SLC9A8: variants seen among roughly 807,000 people sequenced by gnomAD.
The protein encoded by SLC9A8 is solute carrier family 9 member A8.
Under a neutral mutation model 66.6 loss-of-function variants are expected in SLC9A8, and 48 were observed. The ratio of observed to expected loss-of-function variants is 0.72; its 90% CI spans 0.57 to 0.92. The LOEUF is 0.92. SLC9A8 is among the 40% of genes least tolerant of loss of function. The probability of loss-of-function intolerance (pLI) is 0.00; values close to 1 mark genes in which losing one functional copy is unlikely to be tolerated. For synonymous variants in SLC9A8, 274 were observed against 282.6 expected (o/e 0.97, Z 0.31); for missense variants, 599 against 747.3 (o/e 0.80, Z 2.31).
chr20:49,879,108 G>A (rs1433459069), intron 12 of SLC9A8, among the ~76,000 whole-genome samples: 3 of 152,208 alleles, frequency 2.0e-5, no homozygotes, highest in Non-Finnish European at 2.9e-5. Context: ...TGTAGGCATG[G>A]AAGATTGGAT....
At chr20:49,859,748 T>C (rs1279174092) in intron 8 of SLC9A8, among the ~76,000 whole-genome samples, 11 of 152,244 alleles carry the variant, frequency 7.2e-5, no homozygotes. Context: ...TTTGTTGCTA[T>C]GATAGTGTGT....
At chr20:49,880,846 G>A in intron 12 of SLC9A8, 78 bp from the exon 13 acceptor site, 2 of 922,650 alleles carry the variant, frequency 2.2e-6, no homozygotes, top group Admixed American at 1.7e-5. Context: ...TACACAGTCT[G>A]CATTAGCTTC....
chr20:49,867,527 C>T (rs973859885), intron 10 of SLC9A8, among the ~76,000 whole-genome samples: 2 of 152,164 alleles, frequency 1.3e-5, no homozygotes, highest in African/African-American at 4.8e-5. Flanking sequence ...TTTCATCCGA[C>T]ATATTTACTG....
Position 49,849,361 on chromosome 20 carries a change from T to C in SLC9A8, c.433-218T>C, listed in dbSNP as rs41303807. On this transcript the variant is annotated intron_variant, in intron 5 of 15. Transcript: ENST00000361573. ...GGTTGAGGAGACTTGTGCGAAGCTA[T>C]GCAGTGTTTCAGATGAAAGATGGTG... Among the ~76,000 whole-genome samples the C allele has an allele frequency of 7.0e-3, 1,071 of 152,020 alleles. 10 individuals carry two copies. The highest frequency in any genetic ancestry group is 0.012 in the Non-Finnish European group (830 of 67,948).
At chr20:49,863,436 C>A (rs951448144) in intron 9 of SLC9A8, among the ~76,000 whole-genome samples, 5 of 152,098 alleles carry the variant, frequency 3.3e-5, no homozygotes, top group African/African-American at 1.2e-4. Flanking sequence ...TCAAATAGAC[C>A]AGGTGCAGTG....
intron 4 of SLC9A8, among the ~76,000 whole-genome samples, chr20:49,840,898 CCT>C (rs2087728920): frequency 6.6e-6 from 1 of 151,816 alleles, no homozygotes; most frequent in Admixed American, 6.6e-5. Context: ...GGGTGGATCA[CCT>C]GAGCTCAGGA....
In SLC9A8 at chr20:49,887,725, C is replaced by T; in HGVS notation, c.1639-104C>T. 17 of 818,988 alleles carry T rather than the reference C, an allele frequency of 2.1e-5. No individual in the cohort carries two copies. In the South Asian group the frequency reaches 2.9e-4, roughly 14 times the overall value. The allele number at this position is 818,988 out of a possible 1,614,324, so 50.7% of individuals were successfully genotyped here. ...TGCCTGTGGCCATCACCCTGCCTCC[C>T]ACCTCCTCCCTAGACACCCCACACA... is the stretch of plus-strand genomic sequence containing the variant. On this transcript the variant is annotated intron_variant, in intron 15 of 15. Coordinates refer to ENST00000361573, the MANE Select transcript of SLC9A8 (RefSeq NM_015266.3).
At chr20:49,834,711 A>G (rs1193504012) in intron 3 of SLC9A8, among the ~76,000 whole-genome samples, 3 of 152,006 alleles carry the variant, frequency 2.0e-5, no homozygotes, top group Non-Finnish European at 2.9e-5. Flanking sequence ...CTAGTACATC[A>G]TAAATAATAA....
At chr20:49,870,905 G>T (rs1429275980) in intron 10 of SLC9A8, among the ~76,000 whole-genome samples, 1 of 152,110 alleles carries the variant, frequency 6.6e-6, no homozygotes, top group African/African-American at 2.4e-5. Flanking sequence ...TCACTCTGTT[G>T]TTCAGGCTGG....
At chr20:49,825,170 C>T (rs1195408435) in intron 3 of SLC9A8, among the ~76,000 whole-genome samples, 1 of 152,012 alleles carries the variant, frequency 6.6e-6, no homozygotes, top group Non-Finnish European at 1.5e-5. Context: ...CTTAGTGCTA[C>T]CTTTTATATG....
intron 3 of SLC9A8, among the ~76,000 whole-genome samples, chr20:49,825,530 T>C (rs932116600): frequency 2.6e-5 from 4 of 152,116 alleles, no homozygotes; most frequent in Admixed American, 1.3e-4. Flanking sequence ...TAATCCCAGC[T>C]ACTCTGGAGG....
chr20:49,817,706 A>G, intron 2 of SLC9A8, among the ~76,000 whole-genome samples: 1 of 152,146 alleles, frequency 6.6e-6, no homozygotes, highest in East Asian at 1.9e-4. Flanking sequence ...ATAGTTTTAG[A>G]AACTTATAAA....
chr20:49,817,689 G>C (rs1846911478), intron 2 of SLC9A8, among the ~76,000 whole-genome samples: 1 of 152,060 alleles, frequency 6.6e-6, no homozygotes, highest in African/African-American at 2.4e-5. Flanking sequence ...ACTCATCCTT[G>C]TCTGTCATAG....
intron 14 of SLC9A8, 21 bp downstream of exon 14, chr20:49,884,087 G>C: frequency 6.2e-7 from 1 of 1,608,194 alleles, no homozygotes; most frequent in South Asian, 1.1e-5. Flanking sequence ...TGCGCCTGTG[G>C]GGGTGGGGCA....
rs113822746 is a variant in SLC9A8, at chr20:49,872,512, G to C, written c.959-2193G>C. On this transcript the variant is annotated intron_variant, in intron 10 of 15. Coordinates refer to ENST00000361573, the MANE Select transcript of SLC9A8 (RefSeq NM_015266.3). ...TTTGTTTGTTTGTTTTTGAGACAGA[G>C]TCTTGCTCTGTCACCCAGGCTGGAG... is the stretch of plus-strand genomic sequence containing the variant. Among the ~76,000 whole-genome samples the C allele has an allele frequency of 7.1e-3, 1,063 of 149,896 alleles. 20 individuals are homozygous for C. The highest frequency in any genetic ancestry group is 0.024 in the African/African-American group (985 of 40,682).
Position 49,887,943 on chromosome 20 carries a change from G to C in SLC9A8, c.*7G>C, listed in dbSNP as rs1160036464. ...CGAGCAGGAGCTGCTCTGACGCCAG[G>C]TGCCAAGGCTTCAGGCAGGCAGGCC... On this transcript the variant is annotated 3_prime_UTR_variant, in exon 16 of 16. Transcript: ENST00000361573. 6.2e-7 allele frequency: 1 copy of C among 1,610,612 alleles called. No individual in the cohort carries two copies. The highest frequency in any genetic ancestry group is 8.5e-7 in the Non-Finnish European group (1 of 1,177,358).
intron 13 of SLC9A8, among the ~76,000 whole-genome samples, chr20:49,881,940 A>T (rs2089640166): frequency 6.6e-6 from 1 of 152,122 alleles, no homozygotes; most frequent in South Asian, 2.1e-4. Flanking sequence ...AGAGAGCGTT[A>T]TGGGGAAGGT....
At chr20:49,855,333 G>A (rs186817813) in intron 7 of SLC9A8, 105 bp from the exon 8 acceptor site, 117 of 1,114,906 alleles carry the variant, frequency 1.0e-4, no homozygotes, top group East Asian at 6.4e-4. Context: ...CAGCTCTAGC[G>A]TGTAGTATTG....
chr20:49,856,431 C>G (rs1434549494), intron 8 of SLC9A8, among the ~76,000 whole-genome samples: 1 of 152,190 alleles, frequency 6.6e-6, no homozygotes, highest in Non-Finnish European at 1.5e-5. Flanking sequence ...TGTGTAAACT[C>G]TACTTTGGAC....
Sources: gnomAD v4.1 joint callset for allele counts (sites outside exome capture counted in the v4.1 genomes callset) on GRCh38, gnomAD v4.1.1 for gene constraint, MANE v1.5 for transcripts, NCBI Gene and HGNC (gene_info 2026-07-23, HGNC 2026-07-21) for gene names.